Variants in TFEC observed in about 807,000 individuals in gnomAD.
TFEC encodes the protein class E basic helix-loop-helix protein 34.
TFEC carries 31 observed loss-of-function variants against 41.6 expected under a neutral mutation model. That is an observed-to-expected ratio of 0.74 (90% CI 0.56 to 1.01). The LOEUF (loss-of-function observed/expected upper bound fraction) is 1.01, where lower values mean the gene tolerates loss of function less well. Among genes scored for constraint, TFEC ranks in the 50% least tolerant of loss-of-function variants. The pLI is 0.00. For synonymous variants in TFEC, 143 were observed against 140.6 expected (o/e 1.02, Z -0.12); for missense variants, 402 against 404.1 (o/e 0.99, Z 0.04).
intron 1 of TFEC, among the ~76,000 whole-genome samples, chr7:115,990,556 A>G (rs1201317549): frequency 1.3e-5 from 2 of 152,226 alleles, no homozygotes; most frequent in African/African-American, 2.4e-5. Flanking sequence ...ATGGAGCTGA[A>G]AACCATGGCA....
At chr7:116,032,033 A>C (rs1442209729), upstream of TFEC, among the ~76,000 whole-genome samples, 1 of 152,160 alleles carries the variant, frequency 6.6e-6, no homozygotes, top group African/African-American at 2.4e-5. Flanking sequence ...TTTGTATGAT[A>C]CAACATGTTT....
At chr7:116,066,507 T>C (rs1367128525) in intron 3 of TFEC, among the ~76,000 whole-genome samples, 1 of 151,998 alleles carries the variant, frequency 6.6e-6, no homozygotes, top group Admixed American at 6.6e-5. Context: ...ATGAGATAAA[T>C]CTGAAAAGCA....
chr7:116,004,082 ACAAAT>A (rs1794698588), intron 1 of TFEC, among the ~76,000 whole-genome samples: 1 of 152,148 alleles, frequency 6.6e-6, no homozygotes, highest in African/African-American at 2.4e-5. Context: ...AAAAAGAAGA[ACAAAT>A]CAAATCCAGA....
At chr7:116,012,726 T>C (rs892365590) in intron 1 of TFEC, among the ~76,000 whole-genome samples, 8 of 151,356 alleles carry the variant, frequency 5.3e-5, no homozygotes, top group Admixed American at 3.3e-4. Context: ...TATTCAGATA[T>C]TAAAAAATGA....
At chr7:115,995,352 AC>A (rs1361768861) in intron 1 of TFEC, among the ~76,000 whole-genome samples, 6 of 152,172 alleles carry the variant, frequency 3.9e-5, no homozygotes, top group African/African-American at 1.2e-4. Flanking sequence ...ATTAAAAAAA[AC>A]AAAAATAAAA....
At chr7:116,097,809 T>TA (rs1797503024) in intron 3 of TFEC, among the ~76,000 whole-genome samples, 1 of 151,858 alleles carries the variant, frequency 6.6e-6, no homozygotes. Flanking sequence ...GAGCAACCAC[T>TA]AAAAAACAAA....
chr7:116,128,186 C>A (rs1362951367), intron 1 of TFEC, among the ~76,000 whole-genome samples: 1 of 151,952 alleles, frequency 6.6e-6, no homozygotes, highest in Admixed American at 6.5e-5. Flanking sequence ...TTAAACCACT[C>A]CCAGCAAAAC....
At chr7:116,020,156 A>G (rs1795339856) in intron 1 of TFEC, among the ~76,000 whole-genome samples, 1 of 152,214 alleles carries the variant, frequency 6.6e-6, no homozygotes, top group Non-Finnish European at 1.5e-5. Context: ...CTTCTGAAGC[A>G]AAACGATAAT....
At chr7:116,109,238 T>G (rs1797792705) in intron 3 of TFEC, among the ~76,000 whole-genome samples, 1 of 151,968 alleles carries the variant, frequency 6.6e-6, no homozygotes, top group Admixed American at 6.6e-5. Context: ...CTAATTAAAC[T>G]AAAGAGCTTC....
chr7:116,010,071 C>A (rs1442492366), intron 1 of TFEC, among the ~76,000 whole-genome samples: 1 of 151,964 alleles, frequency 6.6e-6, no homozygotes, highest in Non-Finnish European at 1.5e-5. Context: ...GCAGTATATG[C>A]AAAGATCCTG....
At chr7:116,052,964 C>G (rs980989595) in intron 3 of TFEC, among the ~76,000 whole-genome samples, 18 of 151,606 alleles carry the variant, frequency 1.2e-4, no homozygotes, top group African/African-American at 4.4e-4. Flanking sequence ...CCCAGCTACT[C>G]GGGAGGCTGA....
At chr7:115,952,817 A>C (rs1792017649) in intron 5 of TFEC, among the ~76,000 whole-genome samples, 1 of 152,018 alleles carries the variant, frequency 6.6e-6, no homozygotes, top group Non-Finnish European at 1.5e-5. Context: ...AGAGGCTCTT[A>C]CTCTGATCAA....
At chr7:115,962,388 T>C (rs767668402) in intron 3 of TFEC, among the ~76,000 whole-genome samples, 5 of 151,762 alleles carry the variant, frequency 3.3e-5, no homozygotes, top group Admixed American at 6.6e-5. Context: ...ATCAAAACAA[T>C]CTTGTGAAAG....
chr7:116,061,702 T>C (rs1469620446), intron 3 of TFEC, among the ~76,000 whole-genome samples: 1 of 152,096 alleles, frequency 6.6e-6, no homozygotes, highest in Non-Finnish European at 1.5e-5. Context: ...TCAAATCTTG[T>C]AGTTGATGAG....
At chr7:115,968,875 C>T (rs1271870693) in intron 3 of TFEC, among the ~76,000 whole-genome samples, 1 of 151,834 alleles carries the variant, frequency 6.6e-6, no homozygotes. Flanking sequence ...CTTCTTTCCT[C>T]ATTTGTAAAA....
At chr7:116,068,413 A>T (rs1409497745) in intron 3 of TFEC, among the ~76,000 whole-genome samples, 2 of 151,818 alleles carry the variant, frequency 1.3e-5, no homozygotes, top group African/African-American at 4.8e-5. Flanking sequence ...TAAATTGTAA[A>T]TGTATAGTGT....
At chr7:116,059,926 T>A (rs1796513839) in intron 3 of TFEC, among the ~76,000 whole-genome samples, 1 of 150,868 alleles carries the variant, frequency 6.6e-6, no homozygotes, top group Non-Finnish European at 1.5e-5. Flanking sequence ...AAATGTTGTC[T>A]CTTGCCATTT....
At chr7:116,033,340 A>T (rs535308694), upstream of TFEC, among the ~76,000 whole-genome samples, 30 of 152,220 alleles carry the variant, frequency 2.0e-4, no homozygotes, top group African/African-American at 7.2e-4. Flanking sequence ...CTTGGTTAAA[A>T]TACTTCACTT....
intron 3 of TFEC, among the ~76,000 whole-genome samples, chr7:116,036,274 G>C (rs1262872930): frequency 2.0e-5 from 3 of 152,054 alleles, no homozygotes; most frequent in African/African-American, 7.2e-5. Flanking sequence ...GAGAGGAAAA[G>C]AGCTAGGGTA....
Sources: gnomAD v4.1 joint callset for allele counts (sites outside exome capture counted in the v4.1 genomes callset) on GRCh38, gnomAD v4.1.1 for gene constraint, MANE v1.5 for transcripts, NCBI Gene and HGNC (gene_info 2026-07-23, HGNC 2026-07-21) for gene names.